The following GNL3L variants were observed in gnomAD, a reference collection of about 807,000 sequenced individuals.
GNL3L encodes G protein nucleolar 3 like, also known as guanine nucleotide-binding protein-like 3-like protein.
A neutral mutation model predicts 42.9 loss-of-function variants in GNL3L; 4 were observed. The observed-to-expected ratio is 0.09, with a 90% CI of 0.05 to 0.21. The LOEUF (loss-of-function observed/expected upper bound fraction) is 0.21. Ranked by LOEUF, GNL3L falls within the 10% of genes least tolerant of loss-of-function variation. The probability of loss-of-function intolerance (pLI) is 1.00; values close to 1 mark genes in which losing one functional copy is unlikely to be tolerated. For missense variants in GNL3L, 412 were observed against 481.7 expected (o/e 0.86, Z 1.36); for synonymous variants, 159 against 176.3 (o/e 0.90, Z 0.78).
intron 16 of GNL3L, among the ~76,000 whole-genome samples, chrX:54,620,562 A>G (rs1481523761): frequency 8.9e-6 from 1 of 112,083 alleles, no homozygotes; most frequent in East Asian, 2.8e-4. Flanking sequence ...AGCTGCTTCC[A>G]AATCTTGGCT....
intron 16 of GNL3L, among the ~76,000 whole-genome samples, chrX:54,607,547 G>A (rs1369004122): frequency 9.1e-6 from 1 of 110,491 alleles, no homozygotes; most frequent in African/African-American, 3.3e-5. Flanking sequence ...GTAAGGAAAT[G>A]TCCTCCAGAT....
chrX:54,603,443 A>T (rs1056026836), intron 16 of GNL3L, among the ~76,000 whole-genome samples: 6 of 112,076 alleles, frequency 5.4e-5, no homozygotes, highest in Non-Finnish European at 1.1e-4. Flanking sequence ...TGGGATGATA[A>T]ATGAATATTT....
chrX:54,638,950 T>C, the GNL3L span, among the ~76,000 whole-genome samples: 1 of 111,665 alleles, frequency 9.0e-6, no homozygotes, highest in African/African-American at 3.3e-5. Flanking sequence ...TGGAAGTTGT[T>C]AGAAACACAA....
downstream of GNL3L, among the ~76,000 whole-genome samples, chrX:54,622,683 T>G (rs1018600467): frequency 3.6e-5 from 4 of 111,614 alleles, no homozygotes; most frequent in Non-Finnish European, 7.5e-5. Context: ...CTTTTCACTT[T>G]CTTGGTAATG....
chrX:54,644,722 A>G, the GNL3L span, among the ~76,000 whole-genome samples: 1 of 112,067 alleles, frequency 8.9e-6, no homozygotes, highest in Non-Finnish European at 1.9e-5. Flanking sequence ...CTTCTTTTTC[A>G]GAAAATTTCT....
chrX:54,642,801 AT>A, the GNL3L span, among the ~76,000 whole-genome samples: 2 of 111,787 alleles, frequency 1.8e-5, no homozygotes, highest in Non-Finnish European at 1.9e-5. Context: ...CATTTATGTA[AT>A]TGTTTATTGT....
intron 8 of GNL3L, among the ~76,000 whole-genome samples, chrX:54,547,831 C>T (rs1024000380): frequency 8.9e-6 from 1 of 111,905 alleles, no homozygotes; most frequent in Non-Finnish European, 1.9e-5. Context: ...GGCCAGGCTC[C>T]CTCTCATCCC....
the GNL3L span, among the ~76,000 whole-genome samples, chrX:54,640,986 G>A: frequency 8.9e-6 from 1 of 111,959 alleles, no homozygotes; most frequent in African/African-American, 3.2e-5. Flanking sequence ...GGATGAACTT[G>A]CCTCACTGAG....
chrX:54,576,504 G>T (rs1925636347), intron 16 of GNL3L, among the ~76,000 whole-genome samples: 1 of 110,947 alleles, frequency 9.0e-6, no homozygotes, highest in South Asian at 3.8e-4. Flanking sequence ...TTTTGAGATG[G>T]AGTCTTGCTC....
chrX:54,561,560 A>C lies in GNL3L; in HGVS notation c.*958A>C, dbSNP rs141636460. ...GTGAAGAGAAAACAAAGCACCTGTT[A>C]GTAGGGAGGCTTTAGGGGGAAGCCC... On this transcript the variant is annotated 3_prime_UTR_variant, in exon 16 of 16. Transcript: ENST00000360845. Among the ~76,000 whole-genome samples, 11 of 112,244 alleles carry C rather than the reference A, an allele frequency of 9.8e-5. No homozygotes were observed. Among genetic ancestry groups the C allele is most frequent in the African/African-American group, 3.2e-4 (10 of 30,972 alleles).
At position 54,548,342 on chromosome X, in the gene GNL3L, A is replaced by G; in HGVS notation, c.744A>G (p.Glu248=). ...TGGGGAACTATTGCCGCCTTGGTGA[A>G]GTGCGCACCCACATTCGTGTGGGTG... ...RVLGNYCRLG[E]VRTHIRVGVV... is the part of the protein sequence containing the mutation. Residue 248 remains glutamate, a synonymous_variant, in exon 9 of 16, where the codon GAA becomes GAG. Transcript: ENST00000360845. 8.3e-7 allele frequency: 1 copy of G among 1,205,705 alleles called. No homozygotes were observed. Among genetic ancestry groups the G allele is most frequent in the Non-Finnish European group, 1.1e-6 (1 of 890,439 alleles).
At chrX:54,582,336 A>T (rs1925727469) in intron 16 of GNL3L, among the ~76,000 whole-genome samples, 1 of 111,799 alleles carries the variant, frequency 8.9e-6, no homozygotes, top group African/African-American at 3.3e-5. Context: ...TGTTGGTGTC[A>T]TGCTTCTTGT....
At chrX:54,595,037 G>A (rs1373962615) in intron 16 of GNL3L, among the ~76,000 whole-genome samples, 1 of 111,849 alleles carries the variant, frequency 8.9e-6, no homozygotes, top group Non-Finnish European at 1.9e-5. Context: ...TTTTACTTAC[G>A]ATAAGAGTAG....
intron 3 of GNL3L, 27 bp from the exon 4 acceptor site, chrX:54,540,108 G>C: frequency 1.9e-6 from 2 of 1,055,352 alleles, no homozygotes; most frequent in Non-Finnish European, 2.6e-6. Flanking sequence ...CATTACCTCT[G>C]TTTTTTTTCT....
downstream of GNL3L, among the ~76,000 whole-genome samples, chrX:54,568,833 G>C (rs750075867): frequency 8.9e-6 from 1 of 112,291 alleles, no homozygotes; most frequent in Admixed American, 9.4e-5. Context: ...GATTATAGGC[G>C]TGAGCCACGA....
At chrX:54,560,164 T>C (rs764441604) in intron 15 of GNL3L, among the ~76,000 whole-genome samples, 4 of 111,228 alleles carry the variant, frequency 3.6e-5, no homozygotes, top group Admixed American at 9.6e-5. Flanking sequence ...CATACAGCCG[T>C]GTTGCCCTTT....
intron 2 of GNL3L, among the ~76,000 whole-genome samples, chrX:54,536,809 A>AGAGG (rs1188272626): frequency 5.4e-4 from 48 of 89,707 alleles, no homozygotes; most frequent in African/African-American, 1.9e-3. Flanking sequence ...ACAGAGAGAG[A>AGAGG]GAGGGAGGGA....
At chrX:54,558,954 G>GC (rs1925182280) in intron 15 of GNL3L, among the ~76,000 whole-genome samples, 1 of 112,311 alleles carries the variant, frequency 8.9e-6, no homozygotes. Flanking sequence ...ACTGCACGTG[G>GC]CCCCACCTGG....
In GNL3L at chrX:54,607,123, TTC is replaced by T. The variant is rs1569542638; in HGVS notation, c.*46-13720_*46-13719del. ...TTTCTTTCTTTCTTTCTTTCTTTCT[TTC>T]TTTCTTTCTTTCTTTGTCTCTCTCT... is the stretch of plus-strand genomic sequence containing the variant. On this transcript the variant is annotated intron_variant, in intron 16 of 16. Transcript: ENST00000674498. 1.5e-3 allele frequency among the ~76,000 whole-genome samples: 129 copies of T among 87,221 alleles called. 7 individuals carry two copies. The highest frequency in any genetic ancestry group is 6.3e-3 in the African/African-American group (126 of 20,016). 75.7% of individuals were successfully genotyped at this position (87,221 alleles called of 115,157 possible).
Sources: allele counts gnomAD v4.1 joint callset (sites outside exome capture counted in the v4.1 genomes callset), GRCh38; gene constraint gnomAD v4.1.1; transcripts MANE v1.5; gene names NCBI Gene and HGNC (gene_info 2026-07-23, HGNC 2026-07-21).